ZFAND3: variants seen among roughly 807,000 people sequenced by gnomAD.
The protein encoded by ZFAND3 is AN1-type zinc finger protein 3.
ZFAND3 carries 10 observed loss-of-function variants against 29.6 expected under a neutral mutation model. The observed-to-expected ratio is 0.34, with a 90% CI of 0.21 to 0.57. ZFAND3 has a LOEUF of 0.57. Among genes scored for constraint, ZFAND3 ranks in the 20% least tolerant of loss-of-function variants. The pLI is 0.86. For synonymous variants in ZFAND3, 128 were observed against 112.6 expected, an observed-to-expected ratio of 1.14 and a Z score of -0.87; for missense variants, 230 against 304.5, an observed-to-expected ratio of 0.76 and a Z score of 1.82.
At chr6:38,033,214 T>A (rs1380962804) in intron 2 of ZFAND3, among the ~76,000 whole-genome samples, 1 of 152,218 alleles carries the variant, frequency 6.6e-6, no homozygotes, top group Non-Finnish European at 1.5e-5. Flanking sequence ...GGATTTAGTT[T>A]ACTCTCTCTA....
Position 38,098,691 on chromosome 6 carries a change from CA to C in ZFAND3, c.361+16235del, listed in dbSNP as rs1765031034. On this transcript the variant is annotated intron_variant, in intron 4 of 5. Transcript: ENST00000287218. ...AATTTTTTTTTATTTTTAGTAGAGA[CA>C]GGCGTTTCACTGTGTTAGCCAGGAT... 2.6e-5 allele frequency among the ~76,000 whole-genome samples: 4 copies of C among 151,658 alleles called. No homozygotes were observed. The South Asian group carries it at 8.3e-4, about 32-fold the overall frequency.
intron 1 of ZFAND3, among the ~76,000 whole-genome samples, chr6:37,873,621 A>G (rs1009227827): frequency 6.6e-6 from 1 of 152,262 alleles, no homozygotes; most frequent in African/African-American, 2.4e-5. Context: ...GAAGAAAAGC[A>G]GAATAGTGAA....
rs184896904 is a variant in ZFAND3 at position 37,920,426 on chromosome 6, T to C, written c.72-9533T>C. Among the ~76,000 whole-genome samples the C allele has an allele frequency of 1.4e-3, 215 of 152,270 alleles. 1 individual carries two copies. Among genetic ancestry groups the C allele is most frequent in the African/African-American group, 5.0e-3 (209 of 41,552 alleles). Reference sequence around the variant, plus strand: ...CCTCATCTTGTCTGTAATTGTTAGATGGTGCTGGACTAAACTTTCAGTAAT... The same window carrying C: ...CCTCATCTTGTCTGTAATTGTTAGACGGTGCTGGACTAAACTTTCAGTAAT... On this transcript the variant is annotated intron_variant, in intron 1 of 5. Transcript: ENST00000287218.
chr6:37,885,940 A>C (rs1313257712), intron 1 of ZFAND3, among the ~76,000 whole-genome samples: 1 of 151,790 alleles, frequency 6.6e-6, no homozygotes, highest in African/African-American at 2.4e-5. Flanking sequence ...CTGAACAACT[A>C]TTTTAAGTTC....
chr6:38,140,368 A>G (rs190225494), intron 5 of ZFAND3, among the ~76,000 whole-genome samples: 8 of 152,358 alleles, frequency 5.3e-5, no homozygotes, highest in Non-Finnish European at 8.8e-5. Context: ...TATCAGAGAA[A>G]GAGAAGGAAA....
chr6:37,936,595 CGTG>C (rs1181286165), intron 2 of ZFAND3, among the ~76,000 whole-genome samples: 1 of 152,138 alleles, frequency 6.6e-6, no homozygotes, highest in Non-Finnish European at 1.5e-5. Context: ...TTTGCTATCA[CGTG>C]GTTCACATAT....
At chr6:38,118,267 A>G (rs1051986438) in intron 5 of ZFAND3, among the ~76,000 whole-genome samples, 1 of 152,144 alleles carries the variant, frequency 6.6e-6, no homozygotes, top group Non-Finnish European at 1.5e-5. Context: ...GACACTGTGG[A>G]TGGCTGAGGA....
chr6:38,012,377 ATTTT>A (rs67495073), intron 2 of ZFAND3, among the ~76,000 whole-genome samples: 2 of 123,326 alleles, frequency 1.6e-5, no homozygotes, highest in Non-Finnish European at 1.7e-5. Flanking sequence ...TTTTGATAGT[ATTTT>A]TTTTTTTTTT....
chr6:37,909,620 CTTTTTTT>C (rs34105026), intron 1 of ZFAND3, among the ~76,000 whole-genome samples: 1 of 122,992 alleles, frequency 8.1e-6, no homozygotes, highest in Non-Finnish European at 1.7e-5. Flanking sequence ...GTTCAGAATT[CTTTTTTT>C]TTTTTTTTTT....
chr6:38,032,775 G>A (rs1763586893), intron 2 of ZFAND3, among the ~76,000 whole-genome samples: 1 of 152,188 alleles, frequency 6.6e-6, no homozygotes, highest in Non-Finnish European at 1.5e-5. Flanking sequence ...TAGATGCCAT[G>A]TCTTATCTTA....
chr6:37,824,203 G>A lies in ZFAND3; in HGVS notation c.71+4187G>A, dbSNP rs75684507. 8.7e-3 allele frequency among the ~76,000 whole-genome samples: 1,320 copies of A among 152,278 alleles called. 17 individuals are homozygous for A. Among genetic ancestry groups the A allele is most frequent in the African/African-American group, 0.03 (1,244 of 41,552 alleles). On this transcript the variant is annotated intron_variant, in intron 1 of 5. Coordinates refer to ENST00000287218, the MANE Select transcript of ZFAND3 (RefSeq NM_021943.3). ...GGCATTTAGTACTCAGGCAAAAAAC[G>A]TATTTGTTGATAATTGTTGTATCTG... is the stretch of plus-strand genomic sequence containing the variant.
chr6:38,023,906 C>CTA (rs1292159063), intron 2 of ZFAND3, among the ~76,000 whole-genome samples: 1 of 152,108 alleles, frequency 6.6e-6, no homozygotes, highest in Non-Finnish European at 1.5e-5. Flanking sequence ...GTAGTCCCAG[C>CTA]TACTCGGGAG....
chr6:38,147,026 A>C (rs1766125548), intron 5 of ZFAND3, among the ~76,000 whole-genome samples: 1 of 152,162 alleles, frequency 6.6e-6, no homozygotes, highest in Admixed American at 6.5e-5. Context: ...GGTGTCTGTC[A>C]CCCGAGTGCA....
chr6:37,945,161 G>T (rs1331466842), intron 2 of ZFAND3, among the ~76,000 whole-genome samples: 8 of 152,156 alleles, frequency 5.3e-5, no homozygotes, highest in Admixed American at 5.2e-4. Flanking sequence ...GTCTTAGCTA[G>T]CTTAACCCAC....
At chr6:38,087,954 T>G (rs1462918436) in intron 4 of ZFAND3, among the ~76,000 whole-genome samples, 1 of 152,244 alleles carries the variant, frequency 6.6e-6, no homozygotes, top group Non-Finnish European at 1.5e-5. Flanking sequence ...GCTGTTAGGT[T>G]ACTGGAAGTT....
intron 2 of ZFAND3, among the ~76,000 whole-genome samples, chr6:37,950,787 C>A (rs2453882): frequency 6.6e-6 from 1 of 152,112 alleles, no homozygotes; most frequent in Non-Finnish European, 1.5e-5. Flanking sequence ...ACTATAGTCT[C>A]AAGGTGGGTA....
At chr6:37,952,045 A>C (rs1356062105) in intron 2 of ZFAND3, among the ~76,000 whole-genome samples, 1 of 152,204 alleles carries the variant, frequency 6.6e-6, no homozygotes, top group Non-Finnish European at 1.5e-5. Flanking sequence ...GCATCCCAGG[A>C]ATAAAGCCTG....
In ZFAND3 at chr6:38,140,899, C is replaced by T. The variant is rs149748606; in HGVS notation, c.530-11336C>T. On this transcript the variant is annotated intron_variant, in intron 5 of 5. Coordinates refer to ENST00000287218, the MANE Select transcript of ZFAND3 (RefSeq NM_021943.3). The stretch of plus-strand genomic sequence containing the variant: ...AAAATATTTTTCTATACTGAATAAG[C>T]CTCTTCCCCTTCAGGGCAGGTGTTT... Among the ~76,000 whole-genome samples, 3 of 152,284 alleles carry T rather than the reference C, an allele frequency of 2.0e-5. No homozygotes were observed. The East Asian group carries it at 5.8e-4, about 29-fold the overall frequency.
intron 1 of ZFAND3, among the ~76,000 whole-genome samples, chr6:37,823,807 G>A (rs547214134): frequency 3.3e-5 from 5 of 151,664 alleles, no homozygotes; most frequent in Non-Finnish European, 1.5e-5. Flanking sequence ...TTTTTGGGGG[G>A]GGGTAGGAAG....
Sources: allele counts gnomAD v4.1 joint callset (sites outside exome capture counted in the v4.1 genomes callset), GRCh38; gene constraint gnomAD v4.1.1; transcripts MANE v1.5; gene names NCBI Gene and HGNC (gene_info 2026-07-23, HGNC 2026-07-21).